The following IQCM variants were observed in gnomAD, a reference collection of about 807,000 sequenced individuals.
The protein encoded by IQCM is IQ domain-containing protein M.
IQCM carries 45 observed loss-of-function variants against 57.6 expected under a neutral mutation model. The observed-to-expected ratio is 0.78, with a 90% confidence interval of 0.62 to 1.00. The LOEUF (loss-of-function observed/expected upper bound fraction) is 1.00. Ranked by LOEUF, IQCM falls within the 50% of genes least tolerant of loss-of-function variation. IQCM has a pLI of 0.00. For missense variants in IQCM, 468 were observed against 511.6 expected (o/e 0.91, Z 0.82); for synonymous variants, 148 against 158.9 (o/e 0.93, Z 0.51).
At chr4:149,442,727 CTTCT>C (rs1328233804) in intron 12 of IQCM, among the ~76,000 whole-genome samples, 1 of 151,974 alleles carries the variant, frequency 6.6e-6, no homozygotes, top group African/African-American at 2.4e-5. Context: ...ATGCTCCTCA[CTTCT>C]TTCTGAGTCC....
chr4:149,657,058 C>T (rs955501618), intron 7 of IQCM, among the ~76,000 whole-genome samples: 1 of 152,058 alleles, frequency 6.6e-6, no homozygotes, highest in African/African-American at 2.4e-5. Context: ...TATACAATAC[C>T]TTACTGTTAA....
At chr4:149,743,249 C>T (rs1767625763) in intron 2 of IQCM, among the ~76,000 whole-genome samples, 3 of 152,222 alleles carry the variant, frequency 2.0e-5, no homozygotes, top group South Asian at 2.1e-4. Flanking sequence ...ACTCAGAATG[C>T]CTTGACCTCT....
chr4:149,385,509 A>T (rs1322381805), intron 13 of IQCM, among the ~76,000 whole-genome samples: 1 of 152,088 alleles, frequency 6.6e-6, no homozygotes, highest in Non-Finnish European at 1.5e-5. Context: ...TTGGTGGATC[A>T]ATCACAAATT....
intron 12 of IQCM, among the ~76,000 whole-genome samples, chr4:149,444,268 T>C (rs1433220378): frequency 1.3e-5 from 2 of 151,934 alleles, no homozygotes; most frequent in African/African-American, 2.4e-5. Context: ...AATAGCACAC[T>C]TTTTCTATAA....
At chr4:149,434,354 C>A (rs929382840) in intron 12 of IQCM, among the ~76,000 whole-genome samples, 15 of 152,064 alleles carry the variant, frequency 9.9e-5, no homozygotes, top group African/African-American at 3.1e-4. Context: ...AGCGAAAAAT[C>A]TCTGGTATGC....
chr4:149,534,364 T>A (rs1304300824), intron 12 of IQCM, among the ~76,000 whole-genome samples: 1 of 152,168 alleles, frequency 6.6e-6, no homozygotes, highest in Non-Finnish European at 1.5e-5. Context: ...TCTGCCTTTA[T>A]TATAGGAAGT....
chr4:149,366,003 A>G (rs954857610), intron 13 of IQCM, among the ~76,000 whole-genome samples: 1 of 152,108 alleles, frequency 6.6e-6, no homozygotes, highest in African/African-American at 2.4e-5. Context: ...AGTTTTCACA[A>G]TTGTACCACA....
Position 149,351,976 on chromosome 4 carries a change from T to A in IQCM, c.1481A>T (p.His494Leu). ...TCATTCAACTTTACATGACTTATAA[T>A]GTTGTCTCATTTTCCTTTCTCTTAT... is the stretch of plus-strand genomic sequence containing the variant. ...RSIRERKMRQHYKSCKVE is the reference protein window; with the variant it reads ...RSIRERKMRQLYKSCKVE Residue 494 changes from histidine (H) to leucine (L), a missense_variant, in exon 14 of 14, where the codon CAT (histidine) becomes CTT (leucine). By Grantham distance (99) the His-to-Leu change is moderately conservative. Coordinates refer to ENST00000636793, the MANE Select transcript of IQCM (RefSeq NM_001363507.2). 1 of 398,960 alleles carries A rather than the reference T, an allele frequency of 2.5e-6. No homozygotes were observed. The highest frequency in any genetic ancestry group is 4.4e-6 in the Non-Finnish European group (1 of 226,000). The allele number at this position is 398,960 out of a possible 1,614,324, so 24.7% of individuals were successfully genotyped here.
chr4:149,447,354 G>A (rs549007331), intron 12 of IQCM, among the ~76,000 whole-genome samples: 112 of 151,598 alleles, frequency 7.4e-4, no homozygotes, highest in African/African-American at 1.2e-3. Flanking sequence ...AATCCAAACC[G>A]ATCTTCAATT....
rs1381483070 is a variant in IQCM at position 149,581,898 on chromosome 4, C to A, written c.749+6032G>T. ...CATGTCTTCCAAGGTGGGAAGTCAG[C>A]CAGAATATTTCTGTGTGTGTGTATG... On this transcript the variant is annotated intron_variant, in intron 9 of 13. Transcript: ENST00000636793. Among the ~76,000 whole-genome samples the A allele has an allele frequency of 2.6e-5, 4 of 151,322 alleles. No homozygotes were observed. In the East Asian group the frequency reaches 7.9e-4, roughly 30 times the overall value.
At chr4:149,665,893 G>A (rs909074267) in intron 7 of IQCM, among the ~76,000 whole-genome samples, 1 of 152,084 alleles carries the variant, frequency 6.6e-6, no homozygotes, top group Non-Finnish European at 1.5e-5. Context: ...TCCCACGCTG[G>A]ACACTTCCTG....
At chr4:149,367,401 A>T (rs1729918015) in intron 13 of IQCM, among the ~76,000 whole-genome samples, 1 of 151,974 alleles carries the variant, frequency 6.6e-6, no homozygotes, top group South Asian at 2.1e-4. Flanking sequence ...AATATTTGAT[A>T]ATGCTTATTC....
intron 13 of IQCM, among the ~76,000 whole-genome samples, chr4:149,377,357 G>A (rs910049739): frequency 6.6e-6 from 1 of 152,110 alleles, no homozygotes; most frequent in African/African-American, 2.4e-5. Flanking sequence ...GGCCCTGAAA[G>A]GTCTGGCTGC....
intron 12 of IQCM, among the ~76,000 whole-genome samples, chr4:149,446,072 T>C (rs1736474611): frequency 1.3e-5 from 2 of 151,758 alleles, no homozygotes; most frequent in South Asian, 2.1e-4. Flanking sequence ...TAAGAACAAA[T>C]ATGTGAGAAT....
chr4:149,765,110 T>C (rs1769913927), intron 2 of IQCM, among the ~76,000 whole-genome samples: 1 of 152,134 alleles, frequency 6.6e-6, no homozygotes, highest in Admixed American at 6.6e-5. Context: ...AAAATTTCTT[T>C]ATGAACTATC....
intron 11 of IQCM, among the ~76,000 whole-genome samples, chr4:149,551,876 CCTCT>C (rs34352840): frequency 0.76 from 113,881 of 150,448 alleles, 43,477 homozygotes; most frequent in South Asian, 0.9. Context: ...TCTATCACTG[CCTCT>C]CTCTCTCTCT....
intron 3 of IQCM, among the ~76,000 whole-genome samples, chr4:149,735,905 C>T (rs893400200): frequency 3.3e-5 from 5 of 151,480 alleles, no homozygotes; most frequent in Admixed American, 2.6e-4. Context: ...AATTCAAAAA[C>T]ACATGTCTAT....
At chr4:149,538,990 T>G (rs1451492052) in intron 12 of IQCM, among the ~76,000 whole-genome samples, 1 of 152,066 alleles carries the variant, frequency 6.6e-6, no homozygotes, top group Non-Finnish European at 1.5e-5. Context: ...AGCTCTTGAT[T>G]GAAACAATAT....
intron 2 of IQCM, among the ~76,000 whole-genome samples, chr4:149,803,796 G>A (rs1459488049): frequency 6.6e-6 from 1 of 151,886 alleles, no homozygotes; most frequent in Non-Finnish European, 1.5e-5. Context: ...TTTCCCTACA[G>A]ACTATTTCTT....
Sources: allele counts gnomAD v4.1 joint callset (sites outside exome capture counted in the v4.1 genomes callset), GRCh38; gene constraint gnomAD v4.1.1; transcripts MANE v1.5; gene names NCBI Gene and HGNC (gene_info 2026-07-23, HGNC 2026-07-21).